Variants in PCDHGA10 observed in about 807,000 individuals in gnomAD.
PCDHGA10 encodes protocadherin gamma subfamily A, 10, also known as protocadherin gamma-A10.
PCDHGA10 carries 42 observed loss-of-function variants against 59.5 expected under a neutral mutation model. The ratio of observed to expected loss-of-function variants is 0.71; its 90% CI spans 0.55 to 0.91. PCDHGA10 has a LOEUF of 0.91. Among genes scored for constraint, PCDHGA10 ranks in the 40% least tolerant of loss-of-function variants. The probability of loss-of-function intolerance (pLI) is 0.00; values close to 1 mark genes in which losing one functional copy is unlikely to be tolerated. For missense variants in PCDHGA10, 1,111 were observed against 1,198.2 expected (o/e 0.93, Z 1.07); for synonymous variants, 511 against 517.2 (o/e 0.99, Z 0.16).
intron 1 of PCDHGA10, among the ~76,000 whole-genome samples, chr5:141,467,735 C>T (rs557555571): frequency 3.3e-5 from 5 of 152,182 alleles, no homozygotes; most frequent in East Asian, 3.9e-4. Flanking sequence ...AATCCCAGCT[C>T]GCTGCAACCT....
At position 141,511,235 on chromosome 5, in the gene PCDHGA10, C is replaced by G; in HGVS notation, c.*62C>G. On this transcript the variant is annotated 3_prime_UTR_variant, in exon 4 of 4. Transcript: ENST00000398610. ...CCCCAACCAGCCCAGCTTCTCCTTA[C>G]CTGCACCCAGGCCTCAGAGTTTCAG... 2 of 1,592,936 alleles carry G rather than the reference C, an allele frequency of 1.3e-6. No homozygotes were observed. The highest frequency in any genetic ancestry group is 1.7e-6 in the Non-Finnish European group (2 of 1,169,652).
rs6883529 is a variant in PCDHGA10, at chr5:141,427,618, A to G, written c.2436+12007A>G. On this transcript the variant is annotated intron_variant, in intron 1 of 3. Coordinates refer to ENST00000398610, the MANE Select transcript of PCDHGA10 (RefSeq NM_018913.3). ...ACCCTACGCATTGGTGAAGTCAACG[A>G]CAATGCTCCGGTTTTCCACCAAGTC... The G allele has an allele frequency of 3.3e-3, 2,299 of 695,914 alleles. 37 individuals are homozygous for G. In the African/African-American group the frequency reaches 0.033, roughly 10 times the overall value. 43.1% of individuals were successfully genotyped at this position (695,914 alleles called of 1,614,324 possible).
chr5:141,477,438 C>A lies in PCDHGA10; in HGVS notation c.2437-17369C>A, dbSNP rs1386997844. The A allele has an allele frequency of 3.1e-6, 5 of 1,614,174 alleles. No individual in the cohort carries two copies. The Admixed American group carries it at 6.7e-5, about 22-fold the overall frequency. On this transcript the variant is annotated intron_variant, in intron 1 of 3. Coordinates refer to ENST00000398610, the MANE Select transcript of PCDHGA10 (RefSeq NM_018913.3). The surrounding 1 kb of genome is among the most constrained non-coding windows in gnomAD (Gnocchi z 4.9). ...GGAACCCCTTCCCTCTCAGCCCTTA[C>A]AATAGTGCGTGTTCAAGTGTCCGAC...
At chr5:141,418,026 T>A (rs2154547454) in intron 1 of PCDHGA10, 1 of 1,613,962 alleles carries the variant, frequency 6.2e-7, no homozygotes, top group East Asian at 2.2e-5. Context: ...GATCTAGGGC[T>A]TAGTGTCCTG....
intron 1 of PCDHGA10, chr5:141,422,833 C>G (rs2096676817): frequency 6.2e-7 from 1 of 1,614,106 alleles, no homozygotes; most frequent in African/African-American, 1.3e-5. Flanking sequence ...AGTGATAGCA[C>G]GTGACAGCGG....
intron 1 of PCDHGA10, chr5:141,421,202 C>A: frequency 1.3e-6 from 2 of 1,519,344 alleles, no homozygotes; most frequent in Non-Finnish European, 1.8e-6. Flanking sequence ...CTCGAGAAAC[C>A]GCGGAATATC....
chr5:141,468,528 G>A (rs2154569956), intron 1 of PCDHGA10: 1 of 152,056 alleles, frequency 6.6e-6, no homozygotes, highest in South Asian at 2.1e-4. Context: ...TTTTTTGCAG[G>A]TAGTTTCCTG....
chr5:141,427,454 T>C (rs62379160), intron 1 of PCDHGA10: 18,356 of 489,902 alleles, frequency 0.037, 441 homozygotes, highest in Middle Eastern at 0.11. Context: ...GAGTTCCTTT[T>C]AGAATCGAAT....
rs891428609 is a variant in PCDHGA10, at chr5:141,503,553, C to T, written c.2496-1840C>T. Among the ~76,000 whole-genome samples the T allele has an allele frequency of 9.4e-5, 14 of 149,164 alleles. No homozygotes were observed. In the East Asian group the frequency reaches 2.2e-3, roughly 23 times the overall value. On this transcript the variant is annotated intron_variant, in intron 2 of 3. Coordinates refer to ENST00000398610, the MANE Select transcript of PCDHGA10 (RefSeq NM_018913.3). ...GGCAGAGGTTGCAGTGAGCCGAGAT[C>T]GCGCCACTGTACTCCAGCCTGGGTG...
At chr5:141,497,077 G>A (rs191605427) in intron 2 of PCDHGA10, among the ~76,000 whole-genome samples, 4 of 151,990 alleles carry the variant, frequency 2.6e-5, no homozygotes, top group East Asian at 3.9e-4. Flanking sequence ...TAATCCCAGC[G>A]ACTTAGGAGG....
chr5:141,500,271 C>T (rs936454651), intron 2 of PCDHGA10, among the ~76,000 whole-genome samples: 3 of 151,598 alleles, frequency 2.0e-5, no homozygotes, highest in African/African-American at 7.3e-5. Flanking sequence ...TGCAGTGGCG[C>T]AATCTCGGCT....
intron 1 of PCDHGA10, among the ~76,000 whole-genome samples, chr5:141,473,910 A>G (rs1165685707): frequency 6.6e-6 from 1 of 152,168 alleles, no homozygotes; most frequent in Non-Finnish European, 1.5e-5. Flanking sequence ...AAGAGGTCTT[A>G]AGAAAACTAT....
In PCDHGA10 at chr5:141,487,930, G is replaced by T; in HGVS notation, c.2437-6877G>T. On this transcript the variant is annotated intron_variant, in intron 1 of 3. Coordinates refer to ENST00000398610, the MANE Select transcript of PCDHGA10 (RefSeq NM_018913.3). This position sits in a 1 kb window ranked among gnomAD's most constrained non-coding sequence, Gnocchi z 5.0. Reference sequence around the variant, plus strand: ...GAGCACAGGAGGCTACAGTGCACAGGGTACAGTGCACCAGGCAGTCACTTG... The same window carrying T: ...GAGCACAGGAGGCTACAGTGCACAGTGTACAGTGCACCAGGCAGTCACTTG... 2 of 613,220 alleles carry T rather than the reference G, an allele frequency of 3.3e-6. No homozygotes were observed. Among genetic ancestry groups the T allele is most frequent in the African/African-American group, 1.8e-5 (1 of 54,186 alleles). 38.0% of individuals were successfully genotyped at this position (613,220 alleles called of 1,614,324 possible).
At chr5:141,472,022 T>A (rs949257396) in intron 1 of PCDHGA10, among the ~76,000 whole-genome samples, 6 of 152,176 alleles carry the variant, frequency 3.9e-5, no homozygotes, top group African/African-American at 1.4e-4. Context: ...CTATATTGTA[T>A]GTAGAAAGCT....
rs1324377536 is a variant in PCDHGA10 at position 141,415,318 on chromosome 5, C to T, written c.2143C>T (p.Leu715=). Reference sequence around the variant, plus strand: ...CGTCTTCCTGGCCTTCGTCATCGTGCTGCTGGCGCACAGGCTGCGGCGCTG... The same window carrying T: ...CGTCTTCCTGGCCTTCGTCATCGTGTTGCTGGCGCACAGGCTGCGGCGCTG... ...SCVFLAFVIV[L]LAHRLRRWHK... is the part of the protein sequence containing the mutation. The change falls in exon 1 of 4, where the codon CTG becomes TTG. Residue 715 remains leucine, a synonymous_variant. Transcript: ENST00000398610. 2.5e-6 allele frequency: 4 copies of T among 1,614,252 alleles called. No homozygotes were observed. Among genetic ancestry groups the T allele is most frequent in the Admixed American group, 1.7e-5 (1 of 60,038 alleles).
intron 2 of PCDHGA10, among the ~76,000 whole-genome samples, chr5:141,496,628 C>T (rs928402582): frequency 2.0e-5 from 3 of 152,212 alleles, no homozygotes; most frequent in Non-Finnish European, 2.9e-5. Flanking sequence ...GATCAAAAGG[C>T]TTGGGCTGCC....
At chr5:141,422,446 A>G in intron 1 of PCDHGA10, 1 of 1,610,700 alleles carries the variant, frequency 6.2e-7, no homozygotes, top group South Asian at 1.1e-5. Context: ...CAAATTGATA[A>G]CAAGCAGAGT....
intron 1 of PCDHGA10, among the ~76,000 whole-genome samples, chr5:141,467,361 G>A (rs555435172): frequency 1.3e-5 from 2 of 151,860 alleles, no homozygotes; most frequent in South Asian, 4.2e-4. Context: ...CCAAATCAAC[G>A]TTTTCTTATA....
Position 141,511,309 on chromosome 5 carries a change from G to C in PCDHGA10, c.*136G>C. The stretch of plus-strand genomic sequence containing the variant: ...GGGGCCAAGGCCATGCTCCCCTTGG[G>C]AAACAGAAACAAGTGCCCAGTCAGC... On this transcript the variant is annotated 3_prime_UTR_variant, in exon 4 of 4. Coordinates refer to ENST00000398610, the MANE Select transcript of PCDHGA10 (RefSeq NM_018913.3). 4.0e-6 allele frequency: 6 copies of C among 1,485,470 alleles called. No homozygotes were observed. Among genetic ancestry groups the C allele is most frequent in the Non-Finnish European group, 4.5e-6 (5 of 1,113,432 alleles). 92.0% of individuals were successfully genotyped at this position (1,485,470 alleles called of 1,614,324 possible).
Sources: allele counts gnomAD v4.1 joint callset (sites outside exome capture counted in the v4.1 genomes callset), GRCh38; gene constraint gnomAD v4.1.1; non-coding constraint Gnocchi (gnomAD v3.1); transcripts MANE v1.5; gene names NCBI Gene and HGNC (gene_info 2026-07-23, HGNC 2026-07-21).